SEMA6D: variants seen among roughly 807,000 people sequenced by gnomAD.
SEMA6D encodes the protein semaphorin 6D.
SEMA6D carries 35 observed loss-of-function variants against 106.6 expected under a neutral mutation model. That is an observed-to-expected ratio of 0.33 (90% CI 0.25 to 0.44). The LOEUF is 0.44. SEMA6D is among the 20% of genes least tolerant of loss of function. The probability of loss-of-function intolerance (pLI) is 1.00; values close to 1 mark genes in which losing one functional copy is unlikely to be tolerated. For synonymous variants in SEMA6D, 499 were observed against 487.7 expected (o/e 1.02, Z -0.31); for missense variants, 1,185 against 1,345.9 (o/e 0.88, Z 1.87).
chr15:47,295,940 C>A lies in SEMA6D; in HGVS notation c.-239+111522C>A, dbSNP rs550307217. On this transcript the variant is annotated intron_variant, in intron 1 of 19. Transcript: ENST00000558014. ...TCTGTGATTCAGGTGCCCAGTGCTG[C>A]CTCCATGACTAGCCTATTGCTCTTC... Among the ~76,000 whole-genome samples, 216 of 152,284 alleles carry A rather than the reference C, an allele frequency of 1.4e-3. 1 individual carries two copies. The highest frequency in any genetic ancestry group is 5.0e-3 in the African/African-American group (206 of 41,552).
At chr15:47,642,377 A>G (rs976750504) in intron 4 of SEMA6D, among the ~76,000 whole-genome samples, 1 of 151,622 alleles carries the variant, frequency 6.6e-6, no homozygotes, top group African/African-American at 2.4e-5. Context: ...ACTCTACGTG[A>G]TTTTTTTTTA....
At position 47,615,518 on chromosome 15, in the gene SEMA6D, C is replaced by T. The variant is rs563195697; in HGVS notation, c.-55+14622C>T. 1.8e-4 allele frequency among the ~76,000 whole-genome samples: 27 copies of T among 152,108 alleles called. No homozygotes were observed. The South Asian group carries it at 4.1e-3, about 23-fold the overall frequency. On this transcript the variant is annotated intron_variant, in intron 4 of 19. Coordinates refer to the SEMA6D transcript ENST00000558014. ...ACACACAAAAACAAGTATTTTTTTA[C>T]GAAACTGTCTTCTTGTGTTTATTTT... is the stretch of plus-strand genomic sequence containing the variant.
At chr15:47,592,033 C>A (rs1048132265) in intron 3 of SEMA6D, among the ~76,000 whole-genome samples, 1 of 152,222 alleles carries the variant, frequency 6.6e-6, no homozygotes, top group East Asian at 1.9e-4. Context: ...CCTGGGGGAG[C>A]AGTTGTTTCC....
intron 1 of SEMA6D, among the ~76,000 whole-genome samples, chr15:47,243,599 T>C (rs62013999): frequency 0.012 from 1,777 of 152,224 alleles, 34 homozygotes; most frequent in Admixed American, 0.012. Context: ...ATTTAAGACA[T>C]ACCAGGAAAT....
At chr15:47,251,947 G>A (rs1432199481) in intron 1 of SEMA6D, among the ~76,000 whole-genome samples, 3 of 108,474 alleles carry the variant, frequency 2.8e-5, no homozygotes, top group East Asian at 3.0e-4. Flanking sequence ...ACGGAGTCTC[G>A]CTCTGTCGCC....
chr15:47,618,003 T>A (rs2077037284), intron 4 of SEMA6D, among the ~76,000 whole-genome samples: 1 of 152,244 alleles, frequency 6.6e-6, no homozygotes, highest in Non-Finnish European at 1.5e-5. Context: ...TCAAGGTTAA[T>A]GCATTTTTAT....
chr15:47,299,756 T>A (rs552204881), intron 1 of SEMA6D, among the ~76,000 whole-genome samples: 11 of 152,332 alleles, frequency 7.2e-5, no homozygotes, highest in Admixed American at 6.5e-4. Flanking sequence ...TAGAAGCTAC[T>A]GTCTACCAGA....
At chr15:47,607,955 T>A (rs1467464892) in intron 4 of SEMA6D, among the ~76,000 whole-genome samples, 2 of 152,238 alleles carry the variant, frequency 1.3e-5, no homozygotes, top group Non-Finnish European at 2.9e-5. Context: ...TTGTCTTATC[T>A]TATCCCTTTC....
chr15:47,719,224 T>C (rs1465063932), intron 1 of SEMA6D, among the ~76,000 whole-genome samples: 1 of 152,122 alleles, frequency 6.6e-6, no homozygotes, highest in Non-Finnish European at 1.5e-5. Flanking sequence ...AGGGCAGTAC[T>C]CCCTGTTCTG....
chr15:47,448,783 T>G, intron 2 of SEMA6D, among the ~76,000 whole-genome samples: 1 of 152,158 alleles, frequency 6.6e-6, no homozygotes, highest in South Asian at 2.1e-4. Context: ...GGTGAACATC[T>G]TCTTCCAATG....
chr15:47,236,803 C>A (rs572160161), intron 1 of SEMA6D, among the ~76,000 whole-genome samples: 1 of 152,122 alleles, frequency 6.6e-6, no homozygotes. Flanking sequence ...AGGGGAAGGA[C>A]ATAGATTATG....
At chr15:47,529,130 G>T (rs2044861883) in intron 3 of SEMA6D, among the ~76,000 whole-genome samples, 1 of 152,192 alleles carries the variant, frequency 6.6e-6, no homozygotes, top group African/African-American at 2.4e-5. Context: ...CTAGAGTGAA[G>T]AAAATTATTA....
intron 4 of SEMA6D, among the ~76,000 whole-genome samples, chr15:47,692,010 A>G (rs1210736661): frequency 6.6e-6 from 1 of 152,234 alleles, no homozygotes; most frequent in African/African-American, 2.4e-5. Context: ...GCAAAGAGCA[A>G]GAGGAAAAGC....
chr15:47,692,972 A>G (rs1399339133), intron 4 of SEMA6D, among the ~76,000 whole-genome samples: 1 of 152,188 alleles, frequency 6.6e-6, no homozygotes, highest in Non-Finnish European at 1.5e-5. Context: ...TCCCACCCTC[A>G]AATATTTTCA....
chr15:47,295,902 A>C (rs1595668340), intron 1 of SEMA6D, among the ~76,000 whole-genome samples: 1 of 152,134 alleles, frequency 6.6e-6, no homozygotes, highest in African/African-American at 2.4e-5. Flanking sequence ...TTTTAGCTCC[A>C]CCTCTGAAAC....
At chr15:47,743,912 T>C (rs888613630) in intron 1 of SEMA6D, among the ~76,000 whole-genome samples, 2 of 152,174 alleles carry the variant, frequency 1.3e-5, no homozygotes, top group Non-Finnish European at 1.5e-5. Flanking sequence ...GCAAATCCAT[T>C]TTGAGCCTCT....
At chr15:47,490,596 G>T (rs1447870629) in intron 3 of SEMA6D, among the ~76,000 whole-genome samples, 1 of 152,166 alleles carries the variant, frequency 6.6e-6, no homozygotes, top group Non-Finnish European at 1.5e-5. Flanking sequence ...AGTGAGCCTA[G>T]ATTGCGCCAC....
At chr15:47,318,571 T>C (rs968676612) in intron 1 of SEMA6D, among the ~76,000 whole-genome samples, 1 of 149,672 alleles carries the variant, frequency 6.7e-6, no homozygotes, top group Non-Finnish European at 1.5e-5. Flanking sequence ...TCCAATTTCA[T>C]TTATGTCCCT....
chr15:47,407,088 C>CG (rs2040600491), intron 1 of SEMA6D, among the ~76,000 whole-genome samples: 1 of 151,788 alleles, frequency 6.6e-6, no homozygotes. Context: ...TAGGCCGGGC[C>CG]GGGGGGTGGC....
Sources: gnomAD v4.1 joint callset for allele counts (sites outside exome capture counted in the v4.1 genomes callset) on GRCh38, gnomAD v4.1.1 for gene constraint, MANE v1.5 for transcripts, NCBI Gene and HGNC (gene_info 2026-07-23, HGNC 2026-07-21) for gene names.